The following GRID2 variants were observed in gnomAD, a reference collection of about 807,000 sequenced individuals.
GRID2 encodes the protein glutamate ionotropic receptor delta type subunit 2.
GRID2 carries 33 observed loss-of-function variants against 114.8 expected under a neutral mutation model. The observed-to-expected ratio is 0.29, with a 90% CI of 0.22 to 0.38. GRID2 has a LOEUF of 0.38. Ranked by LOEUF, GRID2 falls within the 10% of genes least tolerant of loss-of-function variation. The probability of loss-of-function intolerance (pLI) is 1.00; values close to 1 mark genes in which losing one functional copy is unlikely to be tolerated. For missense variants in GRID2, 1,184 were observed against 1,257.7 expected (o/e 0.94, Z 0.89); for synonymous variants, 505 against 449.9 (o/e 1.12, Z -1.55).
At chr4:93,273,897 G>T (rs1751774503) in intron 8 of GRID2, among the ~76,000 whole-genome samples, 1 of 152,156 alleles carries the variant, frequency 6.6e-6, no homozygotes. Context: ...CCCAAAGAAT[G>T]TAGCTGTGCA....
intron 1 of GRID2, among the ~76,000 whole-genome samples, chr4:93,780,861 T>C (rs532102172): frequency 1.3e-5 from 2 of 152,228 alleles, no homozygotes; most frequent in East Asian, 1.9e-4. Flanking sequence ...ATTCATCAAA[T>C]GAAATGAAGA....
chr4:92,629,776 T>C (rs989719587), intron 2 of GRID2, among the ~76,000 whole-genome samples: 1 of 148,188 alleles, frequency 6.7e-6, no homozygotes, highest in Non-Finnish European at 1.5e-5. Context: ...AATATGTTTT[T>C]TCTTTTTTTT....
intron 14 of GRID2, among the ~76,000 whole-genome samples, chr4:93,681,387 C>T (rs1353411467): frequency 6.6e-6 from 1 of 151,468 alleles, no homozygotes; most frequent in East Asian, 1.9e-4. Context: ...CCATCCTCAT[C>T]AAGCTACCAA....
intron 1 of GRID2, among the ~76,000 whole-genome samples, chr4:92,307,658 A>C (rs1348240266): frequency 1.3e-5 from 2 of 152,224 alleles, no homozygotes; most frequent in African/African-American, 4.8e-5. Context: ...ATAATGATTG[A>C]AATGAAAATG....
chr4:92,946,484 C>G (rs1368025268), intron 2 of GRID2, among the ~76,000 whole-genome samples: 1 of 151,834 alleles, frequency 6.6e-6, no homozygotes, highest in African/African-American at 2.4e-5. Flanking sequence ...TCCTAAATAC[C>G]TTTTCTTCCC....
intron 2 of GRID2, among the ~76,000 whole-genome samples, chr4:92,732,782 T>C (rs943567788): frequency 3.3e-5 from 5 of 152,126 alleles, no homozygotes; most frequent in Non-Finnish European, 7.4e-5. Context: ...AGCTTTTTCA[T>C]ATATGTATGC....
chr4:92,386,092 T>G lies in GRID2; in HGVS notation c.88+81348T>G, dbSNP rs1729948828. On this transcript the variant is annotated intron_variant, in intron 1 of 15. Transcript: ENST00000282020. ...GTATTTTGTATGATATTCTGTTCAA[T>G]GACACCCTCCAGTTAAAACTCTACA... Among the ~76,000 whole-genome samples, 4 of 151,646 alleles carry G rather than the reference T, an allele frequency of 2.6e-5. No individual in the cohort carries two copies. In the Admixed American group the frequency reaches 2.6e-4, roughly 10 times the overall value.
At chr4:93,595,361 A>C (rs990383635) in intron 13 of GRID2, among the ~76,000 whole-genome samples, 1 of 152,132 alleles carries the variant, frequency 6.6e-6, no homozygotes, top group Admixed American at 6.5e-5. Context: ...ATCTTTTCAC[A>C]ACTAGACCAA....
intron 2 of GRID2, among the ~76,000 whole-genome samples, chr4:92,942,244 T>C (rs965015438): frequency 6.6e-6 from 1 of 150,456 alleles, no homozygotes; most frequent in African/African-American, 2.4e-5. Context: ...TTTATGAATC[T>C]GGGTGCTCCT....
intron 4 of GRID2, among the ~76,000 whole-genome samples, chr4:93,148,917 A>C (rs1736490615): frequency 6.6e-6 from 1 of 152,218 alleles, no homozygotes; most frequent in Non-Finnish European, 1.5e-5. Flanking sequence ...TGCTAGTACA[A>C]ATCGATTTCA....
intron 2 of GRID2, among the ~76,000 whole-genome samples, chr4:92,855,108 C>T (rs1162469926): frequency 1.3e-5 from 2 of 152,010 alleles, no homozygotes; most frequent in Non-Finnish European, 2.9e-5. Flanking sequence ...TAATTGTAAG[C>T]CTTTTGGATG....
At chr4:92,472,341 C>T (rs547116095) in intron 1 of GRID2, among the ~76,000 whole-genome samples, 2 of 152,170 alleles carry the variant, frequency 1.3e-5, no homozygotes, top group South Asian at 4.1e-4. Context: ...CGTTGATGGA[C>T]AGTTGTGTTG....
intron 3 of GRID2, among the ~76,000 whole-genome samples, chr4:93,094,128 A>G (rs1272013207): frequency 3.3e-5 from 5 of 152,160 alleles, no homozygotes; most frequent in Non-Finnish European, 7.4e-5. Flanking sequence ...TTTGTGTTAA[A>G]ACCTTGAGTG....
intron 8 of GRID2, among the ~76,000 whole-genome samples, chr4:93,310,517 G>A (rs969360719): frequency 2.0e-5 from 3 of 152,014 alleles, no homozygotes; most frequent in African/African-American, 4.8e-5. Flanking sequence ...GGCGCAGAAC[G>A]AGACTCCATC....
Position 92,590,434 on chromosome 4 carries a change from A to G in GRID2, c.244+148A>G, listed in dbSNP as rs1728656024. 5.3e-6 allele frequency: 3 copies of G among 566,810 alleles called. No homozygotes were observed. In the Admixed American group the frequency reaches 9.4e-5, roughly 18 times the overall value. 35.1% of individuals were successfully genotyped at this position (566,810 alleles called of 1,614,324 possible). On this transcript the variant is annotated intron_variant, in intron 2 of 15. Transcript: ENST00000282020. The stretch of plus-strand genomic sequence containing the variant: ...TTCCTTGGAGATCACTGTTTTGTAG[A>G]TGTTAATCTTGTATTCCAGTTTTGA...
intron 2 of GRID2, among the ~76,000 whole-genome samples, chr4:92,998,446 A>G (rs549705042): frequency 1.3e-5 from 2 of 152,020 alleles, no homozygotes; most frequent in East Asian, 1.9e-4. Context: ...AATTGAGGCT[A>G]TTGGGACTAC....
chr4:93,258,749 A>T, intron 8 of GRID2: 1 of 342,488 alleles, frequency 2.9e-6, no homozygotes, highest in South Asian at 2.3e-5. Flanking sequence ...CTGAACCTGA[A>T]GGATTGTCAT....
chr4:93,128,044 AAAAAAAAAAAAAAAAC>A (rs1422213821), intron 4 of GRID2, among the ~76,000 whole-genome samples: 7 of 143,462 alleles, frequency 4.9e-5, no homozygotes, highest in Non-Finnish European at 7.5e-5. Context: ...AAAAAAAAAA[AAAAAAAAAAAAAAAAC>A]AACAGTACGT....
At chr4:92,426,481 A>T (rs555560443) in intron 1 of GRID2, among the ~76,000 whole-genome samples, 2 of 152,272 alleles carry the variant, frequency 1.3e-5, no homozygotes, top group South Asian at 4.1e-4. Flanking sequence ...TGACAGCAGC[A>T]ATCAGTATTA....
Sources: allele counts gnomAD v4.1 joint callset (sites outside exome capture counted in the v4.1 genomes callset), GRCh38; gene constraint gnomAD v4.1.1; transcripts MANE v1.5; gene names NCBI Gene and HGNC (gene_info 2026-07-23, HGNC 2026-07-21).